ABCA13: variants seen among roughly 807,000 people sequenced by gnomAD.
The protein encoded by ABCA13 is ATP binding cassette subfamily A member 13, also known as ATP-binding cassette sub-family A member 13.
Under a neutral mutation model 478.7 loss-of-function variants are expected in ABCA13, and 476 were observed. The observed-to-expected ratio is 0.99, with a 90% CI of 0.92 to 1.07. The LOEUF is 1.07. ABCA13 is among the 50% of genes least tolerant of loss of function. The pLI, the probability that ABCA13 is intolerant of heterozygous loss-of-function variation, is 0.00. For missense variants in ABCA13, 6,060 were observed against 5,910.6 expected, an observed-to-expected ratio of 1.03 and a Z score of -0.83; for synonymous variants, 2,252 against 2,158.9, an observed-to-expected ratio of 1.04 and a Z score of -1.20.
chr7:48,273,886 T>G lies in ABCA13; in HGVS notation c.4220T>G (p.Leu1407Trp), dbSNP rs1415850771. Residue 1407 changes from leucine to tryptophan, a missense_variant, in exon 17 of 62, where the codon TTG becomes TGG. This residue lies in a region of ABCA13 where 4,423 missense variants were observed against 4,309.1 expected (regional missense o/e 1.03). Coordinates refer to ENST00000435803, the MANE Select transcript of ABCA13 (RefSeq NM_152701.5). ...GATGTCATAAACCATTTGTATTTGT[T>G]GTCTAACTCCAGTTTTTCACAAGGT... is the stretch of plus-strand genomic sequence containing the variant. Reference protein sequence around the residue: ...WLDVINHLYLLSNSSFSQGHL... With the variant: ...WLDVINHLYLWSNSSFSQGHL... The G allele has an allele frequency of 1.2e-6, 2 of 1,612,772 alleles. No homozygotes were observed. Among genetic ancestry groups the G allele is most frequent in the African/African-American group, 2.7e-5 (2 of 74,914 alleles).
chr7:48,622,492 T>A (rs537648165), intron 59 of ABCA13, among the ~76,000 whole-genome samples: 40 of 152,242 alleles, frequency 2.6e-4, no homozygotes, highest in African/African-American at 9.6e-4. Context: ...ATCTGTAGAG[T>A]GTGTCCTAAC....
At position 48,343,347 on chromosome 7, in the gene ABCA13, C is replaced by T. The variant is rs188632931; in HGVS notation, c.10204+4892C>T. On this transcript the variant is annotated intron_variant, in intron 29 of 61. Coordinates refer to ENST00000435803, the MANE Select transcript of ABCA13 (RefSeq NM_152701.5). ...ACTTCAGCCTTAGTAGGGAAATTTC[C>T]AGTTTCCTGTACTCCTGGATAGATT... Among the ~76,000 whole-genome samples the T allele has an allele frequency of 1.6e-3, 240 of 152,142 alleles. 1 individual carries two copies. Among genetic ancestry groups the T allele is most frequent in the African/African-American group, 5.5e-3 (227 of 41,490 alleles).
Position 48,275,650 on chromosome 7 carries a change from A to C in ABCA13, c.5984A>C (p.Gln1995Pro). ...NINEDTETSV[Q>P]NIISSNLERT... Reference sequence around the variant, plus strand: ...AATGAAGACACAGAGACATCTGTTCAAAATATTATTTCCTCAAATTTGGAA... The same window carrying C: ...AATGAAGACACAGAGACATCTGTTCCAAATATTATTTCCTCAAATTTGGAA... Residue 1995 changes from glutamine to proline, a missense_variant, in exon 17 of 62, where the codon CAA becomes CCA. This residue lies in a region of ABCA13 where 4,423 missense variants were observed against 4,309.1 expected (regional missense o/e 1.03). Coordinates refer to ENST00000435803, the MANE Select transcript of ABCA13 (RefSeq NM_152701.5). The C allele has an allele frequency of 6.2e-7, 1 of 1,601,556 alleles. No individual in the cohort carries two copies. Among genetic ancestry groups the C allele is most frequent in the Non-Finnish European group, 8.5e-7 (1 of 1,173,158 alleles).
In ABCA13 at chr7:48,371,430, ATTTG is replaced by A. The variant is rs1434543404; in HGVS notation, c.10804-732_10804-729del. Among the ~76,000 whole-genome samples the A allele has an allele frequency of 2.6e-5, 4 of 152,004 alleles. No homozygotes were observed. In the East Asian group the frequency reaches 5.8e-4, roughly 22 times the overall value. ...ATCCATGACCATGGAATGTTTTTCTATTTGTTTGTGTCCTCTCTTATTTCCTTGA... is the reference window on the plus strand; with the variant it reads ...ATCCATGACCATGGAATGTTTTTCTATTTGTGTCCTCTCTTATTTCCTTGA... On this transcript the variant is annotated intron_variant, in intron 32 of 61. Coordinates refer to ENST00000435803, the MANE Select transcript of ABCA13 (RefSeq NM_152701.5).
At chr7:48,213,516 G>A (rs926449600) in intron 3 of ABCA13, among the ~76,000 whole-genome samples, 5 of 152,132 alleles carry the variant, frequency 3.3e-5, no homozygotes, top group South Asian at 4.2e-4. Flanking sequence ...TTTTGTTGCC[G>A]ATGACTGCTG....
rs137899802 is a variant in ABCA13 at position 48,217,777 on chromosome 7, C to CT, written c.288-1576dup. The stretch of plus-strand genomic sequence containing the variant: ...TGAAGGGGTGATTCTCAGTGTCAGT[C>CT]TGAGGGCTGGGAAAGTTCAGTCATC... On this transcript the variant is annotated intron_variant, in intron 3 of 61. Transcript: ENST00000435803. Among the ~76,000 whole-genome samples the CT allele has an allele frequency of 7.2e-3, 1,094 of 152,276 alleles. 20 individuals are homozygous for CT. The highest frequency in any genetic ancestry group is 0.025 in the African/African-American group (1,031 of 41,554).
intron 22 of ABCA13, among the ~76,000 whole-genome samples, chr7:48,297,553 C>A (rs1375908136): frequency 6.6e-6 from 1 of 152,150 alleles, no homozygotes; most frequent in East Asian, 1.9e-4. Flanking sequence ...TCTGGCCTTG[C>A]CTCCTCGGAC....
chr7:48,458,872 C>T (rs1269621264), intron 43 of ABCA13, among the ~76,000 whole-genome samples: 2 of 152,154 alleles, frequency 1.3e-5, no homozygotes, highest in East Asian at 3.9e-4. Context: ...ATGACATCCA[C>T]AGGGCTGTAA....
At position 48,273,048 on chromosome 7, in the gene ABCA13, T is replaced by A. The variant is rs1260080224; in HGVS notation, c.3382T>A (p.Phe1128Ile). The stretch of plus-strand genomic sequence containing the variant: ...ATTTGTTTTTCCATTGGCACAAATT[T>A]TTTCAAACCTCTCAGCAAATGTCAG... ...SSFVFPLAQI[F>I]SNLSANVSVF... The change falls in exon 17 of 62, where the codon TTT becomes ATT. Residue 1128 changes from phenylalanine (F) to isoleucine (I), a missense_variant. Physicochemically the swap from Phe to Ile is conservative, Grantham distance 21. Around this residue, in one of 3 missense-constraint regions of ABCA13, gnomAD observed 4,423 missense variants for 4,309.1 expected, o/e 1.03. Coordinates refer to ENST00000435803, the MANE Select transcript of ABCA13 (RefSeq NM_152701.5). 6.2e-7 allele frequency: 1 copy of A among 1,613,562 alleles called. No homozygotes were observed. The highest frequency in any genetic ancestry group is 8.5e-7 in the Non-Finnish European group (1 of 1,179,750).
intron 27 of ABCA13, among the ~76,000 whole-genome samples, chr7:48,335,145 G>A (rs1348287414): frequency 6.6e-6 from 1 of 152,200 alleles, no homozygotes; most frequent in Non-Finnish European, 1.5e-5. Flanking sequence ...AGTATATACT[G>A]GGGACATATG....
chr7:48,506,274 T>A (rs1478453625), intron 48 of ABCA13, 62 bp from the exon 49 acceptor site: 22 of 1,540,432 alleles, frequency 1.4e-5, no homozygotes, highest in Non-Finnish European at 1.9e-5. Context: ...AGCCTGTAGA[T>A]GAGCTGCGAT....
At position 48,266,874 on chromosome 7, in the gene ABCA13, T is replaced by C. The variant is rs551560041; in HGVS notation, c.2006-2106T>C. On this transcript the variant is annotated intron_variant, in intron 15 of 61. Transcript: ENST00000435803. ...TAGAGGCATCCCACAAATACTGGCA[T>C]GTTGTACTTTCATTTTCATTCAGTT... Among the ~76,000 whole-genome samples the C allele has an allele frequency of 2.8e-4, 42 of 152,010 alleles. 2 individuals carry two copies. Among genetic ancestry groups the C allele is most frequent in the African/African-American group, 9.9e-4 (41 of 41,452 alleles).
rs547019477 is a variant in ABCA13, at chr7:48,280,183, C to T, written c.8726+263C>T. ...GTTATTTTATTCTCAGAAGCAAAAACCTCTTATTCTATTCACTCATCCCAA... is the reference window on the plus strand; with the variant it reads ...GTTATTTTATTCTCAGAAGCAAAAATCTCTTATTCTATTCACTCATCCCAA... On this transcript the variant is annotated intron_variant, in intron 18 of 61. Coordinates refer to ENST00000435803, the MANE Select transcript of ABCA13 (RefSeq NM_152701.5). 2.0e-4 allele frequency among the ~76,000 whole-genome samples: 30 copies of T among 152,222 alleles called. No individual in the cohort carries two copies. In the South Asian group the frequency reaches 6.2e-3, roughly 31 times the overall value.
intron 41 of ABCA13, among the ~76,000 whole-genome samples, chr7:48,424,556 G>A (rs1821161818): frequency 6.6e-6 from 1 of 152,186 alleles, no homozygotes; most frequent in Admixed American, 6.5e-5. Flanking sequence ...GAAAGTTGCA[G>A]TTGTGAACAA....
intron 54 of ABCA13, among the ~76,000 whole-genome samples, chr7:48,526,386 A>G (rs1310986321): frequency 1.3e-5 from 2 of 152,220 alleles, no homozygotes; most frequent in African/African-American, 2.4e-5. Context: ...ATGGTCCAAG[A>G]TGCCATTTAA....
chr7:48,281,471 A>G lies in ABCA13; in HGVS notation c.8836+19A>G, dbSNP rs774293069. Reference sequence around the variant, plus strand: ...GTTGCAGGTGGGCTGCTCATATAACAAGTGCTCTGCAATTGCCCTGTGCCA... The same window carrying G: ...GTTGCAGGTGGGCTGCTCATATAACGAGTGCTCTGCAATTGCCCTGTGCCA... On this transcript the variant is annotated intron_variant, in intron 19 of 61. Transcript: ENST00000435803. The G allele has an allele frequency of 4.5e-6, 7 of 1,571,090 alleles. No homozygotes were observed. The African/African-American group carries it at 8.1e-5, about 18-fold the overall frequency.
intron 1 of ABCA13, among the ~76,000 whole-genome samples, chr7:48,182,832 A>G (rs1795870277): frequency 6.6e-6 from 1 of 152,186 alleles, no homozygotes; most frequent in Non-Finnish European, 1.5e-5. Context: ...AACTGTAACT[A>G]TAGTTGCTGT....
chr7:48,194,922 A>G (rs1302886993), intron 2 of ABCA13, among the ~76,000 whole-genome samples: 1 of 152,220 alleles, frequency 6.6e-6, no homozygotes, highest in Non-Finnish European at 1.5e-5. Flanking sequence ...AAAATGGTGG[A>G]CAAGGCATTT....
chr7:48,636,400 T>A (rs1051571604), intron 59 of ABCA13, among the ~76,000 whole-genome samples: 5 of 152,230 alleles, frequency 3.3e-5, no homozygotes, highest in Admixed American at 3.3e-4. Context: ...TGGAAAAGAT[T>A]CACTGTCTTG....
Sources: gnomAD v4.1 joint callset for allele counts (sites outside exome capture counted in the v4.1 genomes callset) on GRCh38, gnomAD v4.1.1 for gene constraint, gnomAD v4.1.1 regional missense constraint, MANE v1.5 for transcripts, NCBI Gene and HGNC (gene_info 2026-07-23, HGNC 2026-07-21) for gene names.